Variants in PHKA1 observed in about 807,000 individuals in gnomAD.
PHKA1 encodes the protein phosphorylase kinase regulatory subunit alpha 1, also known as phosphorylase b kinase regulatory subunit alpha, skeletal muscle isoform.
PHKA1 carries 60 observed loss-of-function variants against 110.2 expected under a neutral mutation model. The ratio of observed to expected loss-of-function variants is 0.54; its 90% CI spans 0.44 to 0.68. PHKA1 has a LOEUF of 0.68. Ranked by LOEUF, PHKA1 falls within the 30% of genes least tolerant of loss-of-function variation. PHKA1 has a pLI of 0.00. For missense variants in PHKA1, 801 were observed against 942.5 expected (o/e 0.85, Z 1.97); for synonymous variants, 316 against 333.6 (o/e 0.95, Z 0.58).
rs1267919095 is a variant in PHKA1 at position 72,578,893 on chromosome X, T to C, written c.*2109A>G. On this transcript the variant is annotated 3_prime_UTR_variant, in exon 32 of 32. Transcript: ENST00000373542. The stretch of plus-strand genomic sequence containing the variant: ...ATTCTATTTTCAAAACATAAGTGCT[T>C]TTTTAAAAAAAGTCTAACATGTCTT... 3.6e-5 allele frequency: 4 copies of C among 112,051 alleles called. No individual in the cohort carries two copies. Among genetic ancestry groups the C allele is most frequent in the African/African-American group, 1.3e-4 (4 of 30,821 alleles). The allele number at this position is 112,051 out of a possible 1,213,427, so 9.2% of individuals were successfully genotyped here.
At chrX:72,608,637 G>C (rs1556255521) in intron 23 of PHKA1, among the ~76,000 whole-genome samples, 2 of 111,262 alleles carry the variant, frequency 1.8e-5, no homozygotes, top group Admixed American at 9.6e-5. Flanking sequence ...TGGAACTCAA[G>C]GGTAACAGAA....
At chrX:72,633,910 C>T (rs782497490) in intron 16 of PHKA1, among the ~76,000 whole-genome samples, 1 of 111,919 alleles carries the variant, frequency 8.9e-6, no homozygotes, top group Admixed American at 9.4e-5. Context: ...TTCAGGAGAA[C>T]TTCATTCTCC....
intron 14 of PHKA1, among the ~76,000 whole-genome samples, chrX:72,643,500 A>G (rs2053323100): frequency 8.9e-6 from 1 of 112,161 alleles, no homozygotes; most frequent in Non-Finnish European, 1.9e-5. Context: ...AATCAAAACC[A>G]AAGTGTCAGC....
intron 5 of PHKA1, among the ~76,000 whole-genome samples, chrX:72,679,923 A>C (rs926409951): frequency 2.7e-5 from 3 of 111,639 alleles, no homozygotes; most frequent in African/African-American, 9.8e-5. Context: ...AGATCTATGG[A>C]GCTAAATGGA....
intron 16 of PHKA1, among the ~76,000 whole-genome samples, chrX:72,629,067 G>GTA (rs2053129006): frequency 9.0e-6 from 1 of 110,906 alleles, no homozygotes; most frequent in South Asian, 3.8e-4. Context: ...AATTACAATG[G>GTA]ATCTTTCACT....
chrX:72,655,771 T>A (rs370250572), intron 10 of PHKA1, among the ~76,000 whole-genome samples: 31 of 111,354 alleles, frequency 2.8e-4, no homozygotes, highest in Non-Finnish European at 4.9e-4. Context: ...TACAGGCGCC[T>A]GCCACCACGC....
intron 29 of PHKA1, among the ~76,000 whole-genome samples, chrX:72,584,635 C>T (rs1211932247): frequency 9.0e-6 from 1 of 111,605 alleles, no homozygotes; most frequent in African/African-American, 3.3e-5. Flanking sequence ...GGTCGCACGG[C>T]CATCACAAAC....
intron 10 of PHKA1, among the ~76,000 whole-genome samples, chrX:72,655,414 T>A (rs2053480753): frequency 9.0e-6 from 1 of 111,411 alleles, no homozygotes; most frequent in African/African-American, 3.3e-5. Flanking sequence ...GACCCTGTCT[T>A]AAAAATGACA....
At chrX:72,712,702 T>G in intron 2 of PHKA1, 77 bp downstream of exon 2, 1 of 979,727 alleles carries the variant, frequency 1.0e-6, no homozygotes. Flanking sequence ...TGGGTTTCAC[T>G]TCCTTCAGTC....
chrX:72,641,824 T>A (rs1202727034), intron 14 of PHKA1, among the ~76,000 whole-genome samples: 1 of 111,920 alleles, frequency 8.9e-6, no homozygotes, highest in African/African-American at 3.2e-5. Context: ...GTCACTCATC[T>A]GACTGATAAG....
At chrX:72,583,542 T>TC (rs1398966981) in intron 30 of PHKA1, among the ~76,000 whole-genome samples, 2 of 111,754 alleles carry the variant, frequency 1.8e-5, no homozygotes, top group African/African-American at 6.5e-5. Context: ...TCTGTACCTG[T>TC]CCCCCAAGAT....
intron 10 of PHKA1, among the ~76,000 whole-genome samples, chrX:72,654,482 A>T (rs1053075574): frequency 9.1e-6 from 1 of 109,554 alleles, no homozygotes; most frequent in Admixed American, 9.8e-5. Context: ...GTTTTCTCTC[A>T]CTCTTTTTAA....
intron 4 of PHKA1, among the ~76,000 whole-genome samples, chrX:72,690,188 CA>C (rs1411505270): frequency 9.0e-6 from 1 of 111,400 alleles, no homozygotes; most frequent in South Asian, 3.8e-4. Flanking sequence ...CTTTGAAGCA[CA>C]AAAGTTCTTA....
rs1322271645 is a variant in PHKA1, at chrX:72,578,897, T to G, written c.*2105A>C. On this transcript the variant is annotated 3_prime_UTR_variant, in exon 32 of 32. Coordinates refer to ENST00000373542, the MANE Select transcript of PHKA1 (RefSeq NM_002637.4). ...TATTTTCAAAACATAAGTGCTTTTT[T>G]AAAAAAAGTCTAACATGTCTTTTTA... 1 of 111,963 alleles carries G rather than the reference T, an allele frequency of 8.9e-6. No homozygotes were observed. The highest frequency in any genetic ancestry group is 1.9e-5 in the Non-Finnish European group (1 of 53,214). 9.2% of individuals were successfully genotyped at this position (111,963 alleles called of 1,213,427 possible).
At chrX:72,709,886 C>CA (rs1556333764) in intron 2 of PHKA1, among the ~76,000 whole-genome samples, 1 of 108,513 alleles carries the variant, frequency 9.2e-6, no homozygotes, top group African/African-American at 3.4e-5. Context: ...ACTAAAAATA[C>CA]AAAAAAATTA....
intron 7 of PHKA1, 121 bp from the exon 8 acceptor site, chrX:72,666,418 C>T: frequency 1.6e-6 from 1 of 606,846 alleles, no homozygotes; most frequent in African/African-American, 2.2e-5. Flanking sequence ...AAAGAACATT[C>T]TTTATCTATT....
intron 10 of PHKA1, among the ~76,000 whole-genome samples, chrX:72,655,211 C>A (rs2053478116): frequency 8.9e-6 from 1 of 112,256 alleles, no homozygotes; most frequent in South Asian, 3.7e-4. Flanking sequence ...GAGTTTGAGA[C>A]CAGCCTGGGC....
chrX:72,680,995 G>A (rs2053850305), intron 5 of PHKA1, among the ~76,000 whole-genome samples: 1 of 46,465 alleles, frequency 2.2e-5, no homozygotes, highest in African/African-American at 9.6e-5. Flanking sequence ...CATCGTCTGG[G>A]ATGTGAGGAG....
At chrX:72,669,772 G>A (rs1421548947) in intron 6 of PHKA1, among the ~76,000 whole-genome samples, 1 of 110,086 alleles carries the variant, frequency 9.1e-6, no homozygotes, top group Non-Finnish European at 1.9e-5. Flanking sequence ...TCTTAATCCA[G>A]ACTATCATTG....
Sources: gnomAD v4.1 joint callset for allele counts (sites outside exome capture counted in the v4.1 genomes callset) on GRCh38, gnomAD v4.1.1 for gene constraint, MANE v1.5 for transcripts, NCBI Gene and HGNC (gene_info 2026-07-23, HGNC 2026-07-21) for gene names.